Variants in TEX9 observed in about 807,000 individuals in gnomAD.
TEX9 encodes the protein testis-expressed protein 9.
Under a neutral mutation model 59.6 loss-of-function variants are expected in TEX9, and 74 were observed. That is an observed-to-expected ratio of 1.24 (90% CI 1.03 to 1.51). TEX9 has a LOEUF of 1.51. Among genes scored for constraint, TEX9 ranks in the 40% most tolerant of loss-of-function variants. The probability of loss-of-function intolerance (pLI) is 0.00; values close to 1 mark genes in which losing one functional copy is unlikely to be tolerated. For missense variants in TEX9, 522 were observed against 447.8 expected, an observed-to-expected ratio of 1.17 and a Z score of -1.49; for synonymous variants, 186 against 152.2, an observed-to-expected ratio of 1.22 and a Z score of -1.64.
At chr15:56,384,096 C>T (rs1373343894) in intron 4 of TEX9, 65 bp downstream of exon 4, 15 of 1,278,548 alleles carry the variant, frequency 1.2e-5, no homozygotes, top group Non-Finnish European at 1.3e-5. Context: ...TATGTAAGAT[C>T]TTTTTTGCAT....
At chr15:56,359,718 T>C (rs781119842) in intron 1 of TEX9, among the ~76,000 whole-genome samples, 4 of 152,184 alleles carry the variant, frequency 2.6e-5, no homozygotes, top group African/African-American at 4.8e-5. Context: ...TATTTCTTCC[T>C]TCCTTATCTG....
chr15:56,350,122 C>T (rs2046549527), intron 1 of TEX9, among the ~76,000 whole-genome samples: 1 of 152,024 alleles, frequency 6.6e-6, no homozygotes, highest in Non-Finnish European at 1.5e-5. Context: ...GAATCTGAGC[C>T]CAGGCACCCT....
intron 1 of TEX9, among the ~76,000 whole-genome samples, chr15:56,298,699 A>G (rs1187903450): frequency 6.6e-6 from 1 of 151,962 alleles, no homozygotes; most frequent in East Asian, 1.9e-4. Context: ...TCATTCTTTA[A>G]TCCTCCCAAC....
At chr15:56,270,045 T>C (rs1183674771) in intron 1 of TEX9, among the ~76,000 whole-genome samples, 1 of 152,234 alleles carries the variant, frequency 6.6e-6, no homozygotes, top group Non-Finnish European at 1.5e-5. Context: ...TTACATTTGC[T>C]GAGGAGTGCT....
At chr15:56,313,042 G>T (rs28881303) in intron 1 of TEX9, among the ~76,000 whole-genome samples, 34,923 of 116,832 alleles carry the variant, frequency 0.3, 3,469 homozygotes, top group Middle Eastern at 0.38. Context: ...AAGGAGATTT[G>T]GGGCTGAGAC....
intron 1 of TEX9, among the ~76,000 whole-genome samples, chr15:56,298,789 T>C (rs2045274668): frequency 6.6e-6 from 1 of 152,222 alleles, no homozygotes; most frequent in Non-Finnish European, 1.5e-5. Context: ...TCTTAGGCTT[T>C]ATCTTTCTCG....
rs1206183987 is a variant in TEX9, at chr15:56,394,262, C to A, written c.654+15C>A. ...GCAATAAAAAGGTAAGTTTTAAAAA[C>A]CTCTTAAAAGGCTCTAATATTCAAA... On this transcript the variant is annotated intron_variant, in intron 8 of 12. Transcript: ENST00000352903. The A allele has an allele frequency of 6.9e-6, 11 of 1,584,200 alleles. No individual in the cohort carries two copies. The highest frequency in any genetic ancestry group is 1.4e-5 in the African/African-American group (1 of 73,746).
intron 3 of TEX9, among the ~76,000 whole-genome samples, chr15:56,381,372 A>G (rs182090759): frequency 1.2e-4 from 19 of 152,246 alleles, no homozygotes; most frequent in Admixed American, 1.1e-3. Context: ...GAAAGGTCAC[A>G]TGTCTCTGTT....
chr15:56,348,410 A>G (rs2046513827), intron 1 of TEX9, among the ~76,000 whole-genome samples: 1 of 152,084 alleles, frequency 6.6e-6, no homozygotes, highest in South Asian at 2.1e-4. Flanking sequence ...GAACTTCTAT[A>G]GCATTCTTTG....
chr15:56,339,143 G>C (rs1308718008), intron 1 of TEX9, among the ~76,000 whole-genome samples: 1 of 151,688 alleles, frequency 6.6e-6, no homozygotes, highest in African/African-American at 2.4e-5. Context: ...AGCACTTTGA[G>C]GGGCTGAGGT....
At position 56,389,409 on chromosome 15, in the gene TEX9, T is replaced by C. The variant is rs780857020; in HGVS notation, c.395+9T>C. On this transcript the variant is annotated intron_variant, in intron 6 of 12. Transcript: ENST00000352903. ...AGGAAAACAAATTCAAGGTATAGTA[T>C]AGTTTTCAAAGTATTTCTTTTTTTT... is the stretch of plus-strand genomic sequence containing the variant. 6.3e-7 allele frequency: 1 copy of C among 1,577,658 alleles called. No individual in the cohort carries two copies. The highest frequency in any genetic ancestry group is 8.7e-7 in the Non-Finnish European group (1 of 1,152,174).
chr15:56,438,751 C>A (rs35570374), intron 12 of TEX9, among the ~76,000 whole-genome samples: 42,850 of 151,912 alleles, frequency 0.28, 6,799 homozygotes, highest in Middle Eastern at 0.47. Context: ...CCCATCTGAC[C>A]AAGGGGTAAT....
chr15:56,265,193 T>C (rs1198020518), intron 1 of TEX9, among the ~76,000 whole-genome samples: 1 of 151,202 alleles, frequency 6.6e-6, no homozygotes, highest in Non-Finnish European at 1.5e-5. Context: ...AGGGTCTCAC[T>C]GTGGAGTGTA....
At chr15:56,456,306 CAAAG>C in the TEX9 span, 13 of 1,243,204 alleles carry the variant, frequency 1.0e-5, no homozygotes, top group Middle Eastern at 2.0e-3. Flanking sequence ...ATGACATAAA[CAAAG>C]AAATTTCACT....
At chr15:56,362,350 C>G (rs2046805337), upstream of TEX9, among the ~76,000 whole-genome samples, 1 of 152,132 alleles carries the variant, frequency 6.6e-6, no homozygotes, top group Non-Finnish European at 1.5e-5. Flanking sequence ...AGGATTTACA[C>G]CAGGATTGTT....
intron 10 of TEX9, among the ~76,000 whole-genome samples, chr15:56,422,292 A>C (rs1246434085): frequency 6.6e-6 from 1 of 151,790 alleles, no homozygotes; most frequent in East Asian, 1.9e-4. Flanking sequence ...ATCCAATCTG[A>C]CAGTCTCTTT....
In TEX9 at chr15:56,394,246, AG is replaced by A. The variant is rs760873398; in HGVS notation, c.654+1del. ...AATGTTGTATGTGAATGCAATAAAA[AG>A]GTAAGTTTTAAAAACCTCTTAAAAG... is the stretch of plus-strand genomic sequence containing the variant. On this transcript the variant is annotated frameshift_variant and splice_region_variant, in exon 8 of 13. Transcript: ENST00000352903. LOFTEE classifies it high-confidence loss of function. 6.2e-7 allele frequency: 1 copy of A among 1,601,242 alleles called. No individual in the cohort carries two copies. Among genetic ancestry groups the A allele is most frequent in the Non-Finnish European group, 8.5e-7 (1 of 1,175,414 alleles).
chr15:56,408,845 A>G (rs2049205948), intron 9 of TEX9: 1 of 152,270 alleles, frequency 6.6e-6, no homozygotes, highest in South Asian at 2.1e-4. Context: ...CTTTTATTTA[A>G]ACTATTATAA....
intron 1 of TEX9, among the ~76,000 whole-genome samples, chr15:56,356,675 C>G (rs2046690269): frequency 6.6e-6 from 1 of 152,066 alleles, no homozygotes; most frequent in African/African-American, 2.4e-5. Context: ...GTAAAATCCC[C>G]TCATACTAAG....
Sources: gnomAD v4.1 joint callset for allele counts (sites outside exome capture counted in the v4.1 genomes callset) on GRCh38, gnomAD v4.1.1 for gene constraint, MANE v1.5 for transcripts, NCBI Gene and HGNC (gene_info 2026-07-23, HGNC 2026-07-21) for gene names.